CDK13: variants seen among roughly 807,000 people sequenced by gnomAD.
The protein encoded by CDK13 is cyclin dependent kinase 13.
A neutral mutation model predicts 137.6 loss-of-function variants in CDK13; 40 were observed. The observed-to-expected ratio is 0.29, with a 90% CI of 0.23 to 0.38. The LOEUF (loss-of-function observed/expected upper bound fraction) is 0.38. Ranked by LOEUF, CDK13 falls within the 10% of genes least tolerant of loss-of-function variation. CDK13 has a pLI of 1.00. For synonymous variants in CDK13, 869 were observed against 760.1 expected (o/e 1.14, Z -2.36); for missense variants, 1,704 against 1,951.8 (o/e 0.87, Z 2.39).
At chr7:39,965,711 C>T (rs1783856109) in intron 1 of CDK13, among the ~76,000 whole-genome samples, 1 of 152,222 alleles carries the variant, frequency 6.6e-6, no homozygotes, top group African/African-American at 2.4e-5. Flanking sequence ...TCTTCCTAGC[C>T]TCAATGGTCT....
At chr7:40,061,208 G>A (rs1322315391) in intron 7 of CDK13, 2 of 152,106 alleles carry the variant, frequency 1.3e-5, no homozygotes, top group African/African-American at 4.8e-5. Flanking sequence ...CAGTAAACAA[G>A]CAAAAATCAC....
intron 5 of CDK13, among the ~76,000 whole-genome samples, chr7:40,036,988 G>A (rs964933962): frequency 6.6e-6 from 1 of 152,122 alleles, no homozygotes; most frequent in South Asian, 2.1e-4. Context: ...AATATTTTAA[G>A]TCTCATAATT....
intron 13 of CDK13, 88 bp from the exon 14 acceptor site, chr7:40,094,042 T>C: frequency 1.4e-6 from 2 of 1,451,526 alleles, no homozygotes; most frequent in Non-Finnish European, 1.9e-6. Flanking sequence ...TAATCATCTT[T>C]AGAACTACCT....
chr7:40,039,434 A>ATTTTTTTTTTTTTTTTT lies in CDK13; in HGVS notation c.2354-6395_2354-6379dup, dbSNP rs976319927. Among the ~76,000 whole-genome samples the ATTTTTTTTTTTTTTTTT allele has an allele frequency of 2.2e-4, 19 of 85,000 alleles. 2 individuals are homozygous for ATTTTTTTTTTTTTTTTT. Among genetic ancestry groups the ATTTTTTTTTTTTTTTTT allele is most frequent in the African/African-American group, 8.3e-4 (15 of 18,014 alleles). The allele number at this position is 85,000 out of a possible 152,430, so 55.8% of individuals were successfully genotyped here. On this transcript the variant is annotated intron_variant, in intron 5 of 13. Transcript: ENST00000181839. Reference sequence around the variant, plus strand: ...AGGTGCCCACGACCATGCCCGGCTAATTTTTTTTTTTTTTTTTTTTTTTGC... The same window carrying ATTTTTTTTTTTTTTTTT: ...AGGTGCCCACGACCATGCCCGGCTAATTTTTTTTTTTTTTTTTTTTTTTTTTTTTTTTTTTTTTTTGC...
At chr7:39,974,548 CT>C (rs1235877424) in intron 1 of CDK13, among the ~76,000 whole-genome samples, 42 of 62,866 alleles carry the variant, frequency 6.7e-4, no homozygotes, top group Admixed American at 1.0e-3. Context: ...GGATTGTTTT[CT>C]TTTTTTCTTT....
At chr7:39,981,979 G>A (rs1477361508) in intron 1 of CDK13, among the ~76,000 whole-genome samples, 4 of 148,088 alleles carry the variant, frequency 2.7e-5, no homozygotes, top group Non-Finnish European at 6.0e-5. Context: ...TTTCACTATT[G>A]TGTATTTTTT....
intron 11 of CDK13, among the ~76,000 whole-genome samples, chr7:40,083,426 G>A (rs1284657234): frequency 2.0e-5 from 3 of 151,932 alleles, no homozygotes; most frequent in Non-Finnish European, 2.9e-5. Context: ...ACATTTTCTA[G>A]TACTTGTTAC....
chr7:40,059,653 A>G (rs1038206203), intron 7 of CDK13, among the ~76,000 whole-genome samples: 1 of 152,210 alleles, frequency 6.6e-6, no homozygotes, highest in Non-Finnish European at 1.5e-5. Context: ...CACTGCACCC[A>G]GCCTTCTTGG....
intron 1 of CDK13, among the ~76,000 whole-genome samples, chr7:39,974,556 C>CT (rs59844316): frequency 2.3e-5 from 3 of 132,988 alleles, no homozygotes; most frequent in Admixed American, 7.4e-5. Context: ...TTCTTTTTTT[C>CT]TTTTTTTTTT....
At chr7:40,077,739 C>G (rs1786577349) in intron 9 of CDK13, among the ~76,000 whole-genome samples, 1 of 152,010 alleles carries the variant, frequency 6.6e-6, no homozygotes, top group Non-Finnish European at 1.5e-5. Flanking sequence ...GCCTATAATC[C>G]CAGCTACTCA....
intron 1 of CDK13, among the ~76,000 whole-genome samples, chr7:39,961,999 G>A (rs1389963062): frequency 6.6e-6 from 1 of 152,172 alleles, no homozygotes; most frequent in East Asian, 1.9e-4. Flanking sequence ...GTATTCCATG[G>A]TGTATATGTG....
chr7:40,096,849 G>T lies in CDK13; in HGVS notation c.*1869G>T, dbSNP rs1216231244. 6.6e-6 allele frequency: 1 copy of T among 152,094 alleles called. No homozygotes were observed. Among genetic ancestry groups the T allele is most frequent in the East Asian group, 1.9e-4 (1 of 5,196 alleles). 9.4% of individuals were successfully genotyped at this position (152,094 alleles called of 1,614,324 possible). On this transcript the variant is annotated 3_prime_UTR_variant, in exon 14 of 14. Transcript: ENST00000181839. ...AGAAATGAATGGAAGAAAAAAATAT[G>T]TTGCTTTTATTTGAATATTGATTAC...
chr7:39,979,951 G>A (rs1451646432), intron 1 of CDK13, among the ~76,000 whole-genome samples: 1 of 152,150 alleles, frequency 6.6e-6, no homozygotes, highest in Non-Finnish European at 1.5e-5. Flanking sequence ...GAAAAGGCAA[G>A]GGAACATTTT....
intron 5 of CDK13, among the ~76,000 whole-genome samples, chr7:40,003,206 A>ACACACTCTCT (rs374470130): frequency 4.1e-4 from 33 of 79,902 alleles, no homozygotes; most frequent in African/African-American, 1.4e-3. Flanking sequence ...ACACACACAC[A>ACACACTCTCT]CTCTCTCTCT....
At chr7:40,078,693 C>G in intron 10 of CDK13, 27 bp from the exon 11 acceptor site, 1 of 1,413,932 alleles carries the variant, frequency 7.1e-7, no homozygotes. Flanking sequence ...AAGAACACAT[C>G]TAACTTTTGT....
chr7:40,075,543 T>C (rs1162936428), intron 9 of CDK13, among the ~76,000 whole-genome samples: 1 of 152,124 alleles, frequency 6.6e-6, no homozygotes, highest in Non-Finnish European at 1.5e-5. Context: ...AGACTATTAA[T>C]GGGCCAGATG....
At chr7:40,036,158 A>G (rs1293904652) in intron 5 of CDK13, among the ~76,000 whole-genome samples, 1 of 107,754 alleles carries the variant, frequency 9.3e-6, no homozygotes, top group Non-Finnish European at 1.8e-5. Flanking sequence ...CCTGTCTCAA[A>G]ATAAATAAAT....
At chr7:40,086,709 G>A (rs188959705) in intron 11 of CDK13, among the ~76,000 whole-genome samples, 42 of 151,808 alleles carry the variant, frequency 2.8e-4, no homozygotes, top group Admixed American at 5.2e-4. Context: ...CTCGTCTGTA[G>A]CATCAGTTTA....
chr7:39,965,524 A>G (rs898201102), intron 1 of CDK13, among the ~76,000 whole-genome samples: 3 of 152,006 alleles, frequency 2.0e-5, no homozygotes, highest in Non-Finnish European at 4.4e-5. Context: ...TGCACGTGAG[A>G]TGGGTTTCCT....
Sources: allele counts gnomAD v4.1 joint callset (sites outside exome capture counted in the v4.1 genomes callset), GRCh38; gene constraint gnomAD v4.1.1; transcripts MANE v1.5; gene names NCBI Gene and HGNC (gene_info 2026-07-23, HGNC 2026-07-21).